Variants in ULK4 observed in about 807,000 individuals in gnomAD.
ULK4 encodes unc-51 like kinase 4.
A neutral mutation model predicts 160.6 loss-of-function variants in ULK4; 133 were observed. The observed-to-expected ratio is 0.83, with a 90% CI of 0.72 to 0.96. The LOEUF (loss-of-function observed/expected upper bound fraction) is 0.96, where lower values mean the gene tolerates loss of function less well. Ranked by LOEUF, ULK4 falls within the 40% of genes least tolerant of loss-of-function variation. The pLI, the probability that ULK4 is intolerant of heterozygous loss-of-function variation, is 0.00. For synonymous variants in ULK4, 534 were observed against 539.8 expected (o/e 0.99, Z 0.15); for missense variants, 1,580 against 1,499.5 (o/e 1.05, Z -0.89).
chr3:41,899,098 G>A (rs73069213), intron 13 of ULK4: 19,060 of 152,364 alleles, frequency 0.13, 1,370 homozygotes, highest in Middle Eastern at 0.27. Flanking sequence ...CTTGAAGGAT[G>A]GTTAATGGTT....
chr3:41,441,490 T>C (rs114204335), intron 34 of ULK4, among the ~76,000 whole-genome samples: 1,734 of 152,200 alleles, frequency 0.011, 33 homozygotes, highest in Non-Finnish European at 0.017. Flanking sequence ...TGGTGAGTTC[T>C]ACATATTTAT....
chr3:41,359,477 G>C (rs1311099918), intron 35 of ULK4, among the ~76,000 whole-genome samples: 1 of 152,204 alleles, frequency 6.6e-6, no homozygotes, highest in African/African-American at 2.4e-5. Context: ...GTCGGGAGAA[G>C]CAAGAGGGTA....
At chr3:41,936,032 A>C in intron 3 of ULK4, 92 bp from the exon 4 acceptor site, 1 of 1,515,972 alleles carries the variant, frequency 6.6e-7, no homozygotes. Flanking sequence ...CGAACATTAA[A>C]AAATGATCAA....
chr3:41,373,037 A>G (rs9843415), intron 35 of ULK4, among the ~76,000 whole-genome samples: 41,827 of 152,000 alleles, frequency 0.28, 5,986 homozygotes, highest in Middle Eastern at 0.37. Flanking sequence ...CAAAAAAGAC[A>G]ATGAAGGGCA....
intron 35 of ULK4, among the ~76,000 whole-genome samples, chr3:41,395,191 C>CAAAAA (rs11365283): frequency 9.4e-6 from 1 of 106,378 alleles, no homozygotes. Context: ...GAAAGCACTC[C>CAAAAA]AAAAAAAAAA....
chr3:41,805,626 T>C (rs1383099184), intron 19 of ULK4, among the ~76,000 whole-genome samples: 2 of 151,344 alleles, frequency 1.3e-5, no homozygotes, highest in African/African-American at 4.8e-5. Context: ...GGGTTTGTCA[T>C]AGATAGCTCT....
At chr3:41,735,536 T>C (rs6781326) in intron 22 of ULK4, among the ~76,000 whole-genome samples, 48,060 of 151,604 alleles carry the variant, frequency 0.32, 11,205 homozygotes, top group African/African-American at 0.66. Flanking sequence ...GTGCAGTATA[T>C]TACTGGAATA....
At chr3:41,595,503 G>A (rs754619680) in intron 31 of ULK4, among the ~76,000 whole-genome samples, 1 of 152,240 alleles carries the variant, frequency 6.6e-6, no homozygotes, top group Non-Finnish European at 1.5e-5. Flanking sequence ...TATGCAAAGT[G>A]TGTAGTTAAA....
At chr3:41,270,223 C>T (rs1028019884) in intron 35 of ULK4, among the ~76,000 whole-genome samples, 3 of 152,126 alleles carry the variant, frequency 2.0e-5, no homozygotes, top group African/African-American at 4.8e-5. Flanking sequence ...CACAGTCAGG[C>T]GGGGGAGGAT....
Position 41,361,090 on chromosome 3 carries a change from T to A in ULK4, c.3678+36989A>T, listed in dbSNP as rs148125931. Among the ~76,000 whole-genome samples the A allele has an allele frequency of 9.2e-5, 14 of 152,080 alleles. No individual in the cohort carries two copies. In the East Asian group the frequency reaches 2.7e-3, roughly 29 times the overall value. Reference sequence around the variant, plus strand: ...GATGTCCTTGAGCAAGCAGGAAAAGTGAGACCTGGTGCAGAAGCTGAGGGC... The same window carrying A: ...GATGTCCTTGAGCAAGCAGGAAAAGAGAGACCTGGTGCAGAAGCTGAGGGC... On this transcript the variant is annotated intron_variant, in intron 35 of 36. Transcript: ENST00000301831.
At chr3:41,895,789 G>A (rs972808630) in intron 15 of ULK4, among the ~76,000 whole-genome samples, 16 of 151,940 alleles carry the variant, frequency 1.1e-4, no homozygotes, top group Admixed American at 3.3e-4. Context: ...CTTTATATTC[G>A]CTAAATGACT....
chr3:41,888,369 A>G (rs1343114875), intron 16 of ULK4, among the ~76,000 whole-genome samples: 1 of 152,218 alleles, frequency 6.6e-6, no homozygotes, highest in Non-Finnish European at 1.5e-5. Flanking sequence ...AGTGGACTAG[A>G]AAGTTTGAGA....
rs1019130311 is a variant in ULK4 at position 41,717,767 on chromosome 3, G to A, written c.2416C>T (p.Leu806Phe). 3.1e-6 allele frequency: 5 copies of A among 1,614,002 alleles called. No homozygotes were observed. Among genetic ancestry groups the A allele is most frequent in the African/African-American group, 1.3e-5 (1 of 74,924 alleles). The change falls in exon 23 of 37, where the codon CTC becomes TTC. Residue 806 changes from leucine (L) to phenylalanine (F), a missense_variant. Transcript: ENST00000301831. ...NEYLSKCLDL[L>F]ICHIVQELPR... The stretch of plus-strand genomic sequence containing the variant: ...AGCTCCTGCACAATGTGACAGATGA[G>A]AAGATCCAGGCATTTGGACAGGTAT...
intron 30 of ULK4, among the ~76,000 whole-genome samples, chr3:41,617,029 C>A (rs539143544): frequency 1.3e-4 from 20 of 152,294 alleles, no homozygotes; most frequent in Admixed American, 6.5e-4. Context: ...GGCAAAGCAG[C>A]TGTGGCCAGA....
chr3:41,899,915 T>C lies in ULK4; in HGVS notation c.1287+810A>G, dbSNP rs1698291476. Among the ~76,000 whole-genome samples the C allele has an allele frequency of 2.0e-5, 3 of 152,192 alleles. No homozygotes were observed. In the South Asian group the frequency reaches 6.2e-4, roughly 32 times the overall value. The stretch of plus-strand genomic sequence containing the variant: ...ATAAATAAGAATTCAAGAACCTTCA[T>C]GGTCTAAACCACAGTAACGTTCCCA... On this transcript the variant is annotated intron_variant, in intron 13 of 36. Coordinates refer to ENST00000301831, the MANE Select transcript of ULK4 (RefSeq NM_017886.4).
At chr3:41,706,900 TAGAG>T (rs1553637616) in intron 25 of ULK4, among the ~76,000 whole-genome samples, 5 of 136,382 alleles carry the variant, frequency 3.7e-5, no homozygotes, top group Non-Finnish European at 6.1e-5. Flanking sequence ...TATATATATA[TAGAG>T]AGAGAGAGAG....
At chr3:41,700,621 T>C (rs966320398) in intron 27 of ULK4, among the ~76,000 whole-genome samples, 11 of 152,048 alleles carry the variant, frequency 7.2e-5, no homozygotes. Flanking sequence ...GGAACATCCA[T>C]AGTTGATTTC....
intron 23 of ULK4, among the ~76,000 whole-genome samples, chr3:41,716,216 A>AAATAATAATAATAATAATAATAAT (rs61340837): frequency 7.2e-6 from 1 of 139,258 alleles, no homozygotes; most frequent in Admixed American, 7.2e-5. Flanking sequence ...CTGTCTCACA[A>AAATAATAATAATAATAATAATAAT]AATAATAATA....
intron 17 of ULK4, among the ~76,000 whole-genome samples, chr3:41,840,398 T>G (rs2041876081): frequency 6.6e-6 from 1 of 152,176 alleles, no homozygotes. Context: ...CCTTTCTTTC[T>G]TCAGTCTCCC....
Sources: gnomAD v4.1 joint callset for allele counts (sites outside exome capture counted in the v4.1 genomes callset) on GRCh38, gnomAD v4.1.1 for gene constraint, MANE v1.5 for transcripts, NCBI Gene and HGNC (gene_info 2026-07-23, HGNC 2026-07-21) for gene names.